Variants in LCOR observed in about 807,000 individuals in gnomAD.
LCOR encodes the protein ligand dependent nuclear receptor corepressor.
LCOR carries 14 observed loss-of-function variants against 64.4 expected under a neutral mutation model. The ratio of observed to expected loss-of-function variants is 0.22; its 90% confidence interval spans 0.14 to 0.34. The LOEUF is 0.34. Ranked by LOEUF, LCOR falls within the 10% of genes least tolerant of loss-of-function variation. The pLI, the probability that LCOR is intolerant of heterozygous loss-of-function variation, is 1.00. For synonymous variants in LCOR, 643 were observed against 642.5 expected, an observed-to-expected ratio of 1.00 and a Z score of -0.01; for missense variants, 1,686 against 1,765.3, an observed-to-expected ratio of 0.96 and a Z score of 0.80.
chr10:96,901,672 A>G (rs1415824222), intron 2 of LCOR, among the ~76,000 whole-genome samples: 1 of 152,204 alleles, frequency 6.6e-6, no homozygotes, highest in East Asian at 1.9e-4. Flanking sequence ...TGGCCACCTC[A>G]TCTCTAATCT....
rs150528336 is a variant in LCOR at position 96,982,444 on chromosome 10, A to T, written c.1984A>T (p.Met662Leu). ...PPVALLDTEE[M>L]SVPQDCHLLP... is the part of the protein sequence containing the mutation. ...AGTTGCACTGTTGGATACGGAGGAG[A>T]TGAGTGTACCCCAGGACTGTCACCT... The change falls in exon 8 of 8, where the codon ATG (methionine) becomes TTG (leucine). Residue 662 changes from methionine to leucine, a missense_variant. This residue lies in a region of LCOR where 1,293 missense variants were observed against 1,410.4 expected (regional missense o/e 0.92). Coordinates refer to ENST00000421806, the MANE Select transcript of LCOR (RefSeq NM_001346516.2). 5 of 1,614,038 alleles carry T rather than the reference A, an allele frequency of 3.1e-6. No individual in the cohort carries two copies. Among genetic ancestry groups the T allele is most frequent in the Non-Finnish European group, 4.2e-6 (5 of 1,180,008 alleles).
chr10:96,916,605 ATCTATATATATG>A (rs1846952887), intron 4 of LCOR, among the ~76,000 whole-genome samples: 1 of 148,818 alleles, frequency 6.7e-6, no homozygotes, highest in African/African-American at 2.5e-5. Flanking sequence ...ATATATATAT[ATCTATATATATG>A]ATTATTTATT....
In LCOR at chr10:96,877,598, ATTTTTTTTTTTTTTT is replaced by A. The variant is rs57119025; in HGVS notation, c.-329-29650_-329-29636del. Among the ~76,000 whole-genome samples the A allele has an allele frequency of 2.1e-4, 14 of 65,682 alleles. No individual in the cohort carries two copies. The East Asian group carries it at 3.6e-3, about 17-fold the overall frequency. 43.1% of individuals were successfully genotyped at this position (65,682 alleles called of 152,430 possible). On this transcript the variant is annotated intron_variant, in intron 2 of 7. Transcript: ENST00000421806. ...CAAGGGTGTCAACTCATTTTTCTGA[ATTTTTTTTTTTTTTT>A]TTTTTTTTTTTTTTTTGAGACGGAG... is the stretch of plus-strand genomic sequence containing the variant.
At chr10:96,891,530 C>CTTTTTTTT (rs71007307) in intron 2 of LCOR, among the ~76,000 whole-genome samples, 1 of 7,644 alleles carries the variant, frequency 1.3e-4, no homozygotes, top group Non-Finnish European at 2.4e-4. Flanking sequence ...TGTCTTGACT[C>CTTTTTTTT]TTTTTTTTTT....
At position 96,949,219 on chromosome 10, in the gene LCOR, C is replaced by T. The variant is rs777919365; in HGVS notation, c.162C>T (p.Ser54=). ...CAACTACTCAGAACCCTGTGCTCAG[C>T]AAACTTCTCATGGCTGACCAAGACT... is the stretch of plus-strand genomic sequence containing the variant. The part of the protein sequence containing the change: ...TAATTQNPVL[S]KLLMADQDSP... Residue 54 remains serine, a synonymous_variant, in exon 6 of 8, where the codon AGC becomes AGT. Transcript: ENST00000421806. The T allele has an allele frequency of 3.7e-6, 6 of 1,614,114 alleles. No homozygotes were observed. The highest frequency in any genetic ancestry group is 1.1e-5 in the South Asian group (1 of 91,078).
chr10:96,947,858 AT>A (rs1388586148), intron 5 of LCOR, among the ~76,000 whole-genome samples: 1 of 152,028 alleles, frequency 6.6e-6, no homozygotes, highest in Non-Finnish European at 1.5e-5. Context: ...AAACAAACAC[AT>A]TTCCCTCATT....
chr10:96,947,737 CTTTTT>C (rs942356455), intron 5 of LCOR, among the ~76,000 whole-genome samples: 1 of 145,202 alleles, frequency 6.9e-6, no homozygotes, highest in Non-Finnish European at 1.5e-5. Context: ...TCACATTTCC[CTTTTT>C]TTTTTTAAAG....
At chr10:96,920,564 ATG>A (rs1319648673) in intron 4 of LCOR, among the ~76,000 whole-genome samples, 8 of 146,934 alleles carry the variant, frequency 5.4e-5, no homozygotes, top group African/African-American at 1.7e-4. Context: ...ATGTGTATAT[ATG>A]TATGTATATT....
chr10:96,939,386 A>T (rs935292316), intron 4 of LCOR, among the ~76,000 whole-genome samples: 2 of 152,208 alleles, frequency 1.3e-5, no homozygotes, highest in African/African-American at 4.8e-5. Context: ...GTACGCCCTA[A>T]AAGTATAAAA....
intron 5 of LCOR, among the ~76,000 whole-genome samples, chr10:96,945,230 C>T (rs1466303653): frequency 6.6e-6 from 1 of 152,150 alleles, no homozygotes; most frequent in East Asian, 1.9e-4. Flanking sequence ...AAATTCCCTC[C>T]TTCCCTTTGA....
At chr10:96,951,586 C>G (rs1564635961) in intron 6 of LCOR, among the ~76,000 whole-genome samples, 2 of 152,046 alleles carry the variant, frequency 1.3e-5, no homozygotes, top group Non-Finnish European at 2.9e-5. Context: ...TATACATGTA[C>G]TTTAATGACA....
chr10:96,866,221 G>A (rs1408334427), intron 2 of LCOR, among the ~76,000 whole-genome samples: 1 of 152,094 alleles, frequency 6.6e-6, no homozygotes, highest in Non-Finnish European at 1.5e-5. Context: ...TTGTACACCC[G>A]TTACATGATC....
chr10:96,982,876 G>A lies in LCOR; in HGVS notation c.2416G>A (p.Gly806Ser), dbSNP rs1316089530. 6.2e-7 allele frequency: 1 copy of A among 1,613,902 alleles called. No homozygotes were observed. Among genetic ancestry groups the A allele is most frequent in the African/African-American group, 1.3e-5 (1 of 75,026 alleles). The change falls in exon 8 of 8, where the codon GGT becomes AGT. Residue 806 changes from glycine to serine, a missense_variant. Physicochemically the swap from Gly to Ser is moderately conservative, Grantham distance 56. Coordinates refer to ENST00000421806, the MANE Select transcript of LCOR (RefSeq NM_001346516.2). ...AGAGAATTTGGACAAGAAGAAAAAA[G>A]GTAAAAAATTCCCTGAGGCCTCTGA... is the stretch of plus-strand genomic sequence containing the variant. ...LEENLDKKKK[G>S]KKFPEASDRC...
intron 7 of LCOR, among the ~76,000 whole-genome samples, chr10:96,975,220 G>GA (rs1421789948): frequency 1.3e-5 from 2 of 151,698 alleles, no homozygotes; most frequent in Non-Finnish European, 2.9e-5. Flanking sequence ...AAAAATTCCA[G>GA]AAAAAAAAGT....
intron 4 of LCOR, among the ~76,000 whole-genome samples, chr10:96,935,173 G>T (rs1167917963): frequency 2.1e-5 from 2 of 97,550 alleles, no homozygotes; most frequent in Non-Finnish European, 1.9e-5. Flanking sequence ...TTTTGAGACA[G>T]AGTGTCACTC....
intron 2 of LCOR, among the ~76,000 whole-genome samples, chr10:96,862,608 T>G (rs1300350742): frequency 6.6e-6 from 1 of 152,178 alleles, no homozygotes; most frequent in African/African-American, 2.4e-5. Context: ...GGTGATCAAC[T>G]TAACCTTCAG....
At chr10:96,935,876 A>C (rs1381498615) in intron 4 of LCOR, among the ~76,000 whole-genome samples, 4 of 152,180 alleles carry the variant, frequency 2.6e-5, no homozygotes, top group African/African-American at 9.7e-5. Flanking sequence ...GAACTCCAGA[A>C]CTCTCTGGCT....
rs1357804963 is a variant in LCOR at position 96,957,198 on chromosome 10, G to A, written c.332+5002G>A. On this transcript the variant is annotated intron_variant, in intron 7 of 7. Transcript: ENST00000421806. ...TTTTAAGTTTTTATTTAATTTTGTT[G>A]GTTAGAATTTTTTTCTGTTTTTGGC... 5.1e-6 allele frequency: 5 copies of A among 983,946 alleles called. No homozygotes were observed. The African/African-American group carries it at 8.8e-5, about 17-fold the overall frequency. The allele number at this position is 983,946 out of a possible 1,614,324, so 61.0% of individuals were successfully genotyped here. A position where few individuals can be genotyped will look rare whatever the true frequency, so the allele number is the denominator to read the frequency against.
intron 4 of LCOR, among the ~76,000 whole-genome samples, chr10:96,938,192 C>A (rs1445654332): frequency 6.6e-6 from 1 of 152,170 alleles, no homozygotes; most frequent in Non-Finnish European, 1.5e-5. Flanking sequence ...CTCCTGGGCT[C>A]AAGCGATCCT....
Sources: allele counts gnomAD v4.1 joint callset (sites outside exome capture counted in the v4.1 genomes callset), GRCh38; gene constraint gnomAD v4.1.1; regional missense constraint gnomAD v4.1.1; transcripts MANE v1.5; gene names NCBI Gene and HGNC (gene_info 2026-07-23, HGNC 2026-07-21).